The following BCO1 variants were observed in gnomAD, a reference collection of about 807,000 sequenced individuals.
BCO1 encodes the protein beta-carotene oxygenase 1.
BCO1 carries 54 observed loss-of-function variants against 56.3 expected under a neutral mutation model. The observed-to-expected ratio is 0.96, with a 90% CI of 0.77 to 1.20. The LOEUF (loss-of-function observed/expected upper bound fraction) is 1.20. Ranked by LOEUF, BCO1 falls within the 50% of genes most tolerant of loss-of-function variation. The pLI is 0.00. For missense variants in BCO1, 801 were observed against 690.9 expected (o/e 1.16, Z -1.79); for synonymous variants, 318 against 266.1 (o/e 1.20, Z -1.90).
chr16:81,289,615 T>C lies in BCO1; in HGVS notation c.1415-733T>C, dbSNP rs540952501. Among the ~76,000 whole-genome samples the C allele has an allele frequency of 1.8e-3, 267 of 152,290 alleles. 1 individual carries two copies. The highest frequency in any genetic ancestry group is 5.8e-3 in the African/African-American group (240 of 41,552). On this transcript the variant is annotated intron_variant, in intron 10 of 10. Transcript: ENST00000258168. The stretch of plus-strand genomic sequence containing the variant: ...GTGATCACACCACTGCACTCTAGCC[T>C]GGGCAACAGAGTAAGACCCTGTCTC...
At chr16:81,275,498 C>T (rs185181925) in intron 7 of BCO1, among the ~76,000 whole-genome samples, 48 of 152,348 alleles carry the variant, frequency 3.2e-4, no homozygotes, top group African/African-American at 1.1e-3. Flanking sequence ...TCTTTGTCAA[C>T]ATTTATCTCA....
At chr16:81,243,089 G>C (rs1049934639) in intron 1 of BCO1, among the ~76,000 whole-genome samples, 1 of 152,172 alleles carries the variant, frequency 6.6e-6, no homozygotes, top group Admixed American at 6.6e-5. Context: ...TGGGGTAAGG[G>C]GAGAAGGGGG....
chr16:81,277,866 G>T (rs1907649370), intron 7 of BCO1, among the ~76,000 whole-genome samples: 1 of 152,122 alleles, frequency 6.6e-6, no homozygotes, highest in African/African-American at 2.4e-5. Flanking sequence ...TCCTCAACCA[G>T]TCCGACCAGT....
intron 2 of BCO1, among the ~76,000 whole-genome samples, chr16:81,254,295 ATTTTTTTT>A (rs57961725): frequency 2.4e-3 from 187 of 78,276 alleles, no homozygotes; most frequent in African/African-American, 9.8e-3. Context: ...CGCCCGGCTA[ATTTTTTTT>A]TTTTTTTTTT....
intron 3 of BCO1, chr16:81,261,870 T>G (rs1052134132): frequency 2.6e-6 from 1 of 388,338 alleles, no homozygotes; most frequent in Non-Finnish European, 4.9e-6. Context: ...GCCTCCCGAG[T>G]AGCTGGGACT....
intron 1 of BCO1, among the ~76,000 whole-genome samples, chr16:81,243,686 C>G (rs575427295): frequency 6.6e-6 from 1 of 152,274 alleles, no homozygotes; most frequent in East Asian, 1.9e-4. Context: ...CCAGGCTTGT[C>G]TCCAGCTCCT....
At position 81,268,024 on chromosome 16, in the gene BCO1, G is replaced by C. The variant is rs1435569117; in HGVS notation, c.736G>C (p.Val246Leu). 2 of 1,613,798 alleles carry C rather than the reference G, an allele frequency of 1.2e-6. No homozygotes were observed. Residue 246 changes from valine (V) to leucine (L), a missense_variant, in exon 6 of 11, where the codon GTC becomes CTC. Val to Leu is a conservative substitution (Grantham distance 32). Transcript: ENST00000258168. Reference sequence around the variant, plus strand: ...CAGCTTTGGAGTCACCGAGAACTATGTCATCTTCCTTGAGCAGCCTTTCAG... The same window carrying C: ...CAGCTTTGGAGTCACCGAGAACTATCTCATCTTCCTTGAGCAGCCTTTCAG... ...YHSFGVTENY[V>L]IFLEQPFRLD... is the part of the protein sequence containing the mutation.
At chr16:81,264,532 G>T in intron 4 of BCO1, 108 bp from the exon 5 acceptor site, 2 of 1,338,928 alleles carry the variant, frequency 1.5e-6, no homozygotes, top group South Asian at 2.4e-5. Context: ...AATCAGTCAC[G>T]TTTTCATAGG....
chr16:81,259,216 G>A (rs543722309), intron 2 of BCO1, among the ~76,000 whole-genome samples: 6 of 152,234 alleles, frequency 3.9e-5, no homozygotes, highest in African/African-American at 7.2e-5. Flanking sequence ...ATTCCAGGCC[G>A]GGCATGGTGG....
At chr16:81,274,955 G>T (rs1254806680) in intron 7 of BCO1, among the ~76,000 whole-genome samples, 4 of 151,928 alleles carry the variant, frequency 2.6e-5, no homozygotes, top group African/African-American at 9.7e-5. Context: ...TTTGAAACTA[G>T]CAAAGGAAAG....
chr16:81,250,770 A>G (rs1008701947), intron 2 of BCO1, among the ~76,000 whole-genome samples: 4 of 151,854 alleles, frequency 2.6e-5, no homozygotes, highest in African/African-American at 9.7e-5. Flanking sequence ...TAGTAGAGAT[A>G]GGGTCTCGCC....
At chr16:81,287,677 T>G (rs549025426) in intron 10 of BCO1, among the ~76,000 whole-genome samples, 2 of 152,306 alleles carry the variant, frequency 1.3e-5, no homozygotes, top group Admixed American at 1.3e-4. Flanking sequence ...CAAGTGCTTA[T>G]GTTCACAGTT....
In BCO1 at chr16:81,248,287, C is replaced by G. The variant is rs942492017; in HGVS notation, c.193+2684C>G. On this transcript the variant is annotated intron_variant, in intron 2 of 10. Transcript: ENST00000258168. ...GCGTTGTGGTGAGCACCTGTAATCC[C>G]AGCTACTTGGGAGGCTGAGACAGGA... 4.2e-4 allele frequency among the ~76,000 whole-genome samples: 63 copies of G among 151,632 alleles called. 2 individuals carry two copies. Among genetic ancestry groups the G allele is most frequent in the Admixed American group, 4.1e-3 (62 of 15,160 alleles).
At chr16:81,245,819 G>A (rs1338455691) in intron 2 of BCO1, among the ~76,000 whole-genome samples, 4 of 148,094 alleles carry the variant, frequency 2.7e-5, no homozygotes, top group African/African-American at 5.0e-5. Context: ...TCTAGAAGCC[G>A]CTTTCCTTGA....
Position 81,259,711 on chromosome 16 carries a change from G to C in BCO1, c.229G>C (p.Asp77His), listed in dbSNP as rs200423956. 1.0e-4 allele frequency: 164 copies of C among 1,614,044 alleles called. No individual in the cohort carries two copies. Among genetic ancestry groups the C allele is most frequent in the Non-Finnish European group, 1.3e-4 (154 of 1,180,034 alleles). Residue 77 changes from aspartate to histidine, a missense_variant, in exon 3 of 11, where the codon GAT (aspartate) becomes CAT (histidine). Transcript: ENST00000258168. ...VYYRSKYLRSDTYNTNIEANR... is the reference protein window; with the variant it reads ...VYYRSKYLRSHTYNTNIEANR... ...TTACAGGAGCAAATACCTGAGAAGC[G>C]ATACCTACAACACCAATATTGAGGC...
intron 6 of BCO1, 121 bp from the exon 7 acceptor site, chr16:81,270,038 A>C: frequency 7.8e-7 from 1 of 1,274,022 alleles, no homozygotes; most frequent in Non-Finnish European, 1.1e-6. Context: ...CACAGAATGC[A>C]GAATGGGGAC....
intron 1 of BCO1, among the ~76,000 whole-genome samples, chr16:81,244,924 C>G (rs901896314): frequency 5.3e-5 from 8 of 151,956 alleles, no homozygotes; most frequent in African/African-American, 1.9e-4. Flanking sequence ...GAGTTTCGCT[C>G]TTGTTGCCCA....
intron 7 of BCO1, among the ~76,000 whole-genome samples, chr16:81,275,919 G>T (rs947206087): frequency 6.6e-6 from 1 of 152,138 alleles, no homozygotes; most frequent in African/African-American, 2.4e-5. Flanking sequence ...CAGTGGCGGG[G>T]TGTGGCTGGG....
Position 81,285,347 on chromosome 16 carries a change from T to C in BCO1, c.1208-193T>C, listed in dbSNP as rs1006856780. Among the ~76,000 whole-genome samples, 6 of 152,214 alleles carry C rather than the reference T, an allele frequency of 3.9e-5. No individual in the cohort carries two copies. The East Asian group carries it at 1.2e-3, about 29-fold the overall frequency. On this transcript the variant is annotated intron_variant, in intron 8 of 10. Transcript: ENST00000258168. ...TTGCTCCTGGACTCTCTAATAGAGC[T>C]GGGGTAATTAAATTACCAGAGGCTC...
Sources: gnomAD v4.1 joint callset for allele counts (sites outside exome capture counted in the v4.1 genomes callset) on GRCh38, gnomAD v4.1.1 for gene constraint, MANE v1.5 for transcripts, NCBI Gene and HGNC (gene_info 2026-07-23, HGNC 2026-07-21) for gene names.